The following MACROD2 variants were observed in gnomAD, a reference collection of about 807,000 sequenced individuals.
MACROD2 encodes the protein mono-ADP ribosylhydrolase 2, also known as ADP-ribose glycohydrolase MACROD2.
In MACROD2, 36 loss-of-function variants were observed where a neutral mutation model predicts 70.4. That is an observed-to-expected ratio of 0.51 (90% CI 0.39 to 0.68). The LOEUF (loss-of-function observed/expected upper bound fraction) is 0.68. Among genes scored for constraint, MACROD2 ranks in the 30% least tolerant of loss-of-function variants. The pLI is 0.00. For synonymous variants in MACROD2, 172 were observed against 178.8 expected, an observed-to-expected ratio of 0.96 and a Z score of 0.30; for missense variants, 496 against 538.4, an observed-to-expected ratio of 0.92 and a Z score of 0.78.
chr20:15,095,991 T>C (rs2075828666), intron 5 of MACROD2, among the ~76,000 whole-genome samples: 1 of 152,122 alleles, frequency 6.6e-6, no homozygotes, highest in African/African-American at 2.4e-5. Flanking sequence ...CTAATATCAC[T>C]AAAATCCTCA....
intron 8 of MACROD2, among the ~76,000 whole-genome samples, chr20:15,687,831 A>G (rs984626445): frequency 5.9e-5 from 9 of 152,144 alleles, no homozygotes; most frequent in Non-Finnish European, 1.3e-4. Context: ...GGACTATACT[A>G]AACTCCTGAG....
intron 3 of MACROD2, among the ~76,000 whole-genome samples, chr20:14,283,804 A>G (rs984411363): frequency 6.6e-6 from 1 of 152,140 alleles, no homozygotes; most frequent in Non-Finnish European, 1.5e-5. Context: ...CCAGCCATAC[A>G]AAAGAGAAGA....
intron 5 of MACROD2, among the ~76,000 whole-genome samples, chr20:15,110,210 C>A (rs1484348965): frequency 6.6e-6 from 1 of 151,930 alleles, no homozygotes; most frequent in African/African-American, 2.4e-5. Context: ...AAGGAGAGGC[C>A]AGAAAGAACT....
At chr20:15,667,300 C>A (rs555662951) in intron 8 of MACROD2, among the ~76,000 whole-genome samples, 2 of 152,144 alleles carry the variant, frequency 1.3e-5, no homozygotes, top group African/African-American at 4.8e-5. Context: ...CTTCACCTTC[C>A]GCTGTGAGTA....
At chr20:15,756,458 C>A (rs1051841497) in intron 8 of MACROD2, among the ~76,000 whole-genome samples, 2 of 151,996 alleles carry the variant, frequency 1.3e-5, no homozygotes, top group African/African-American at 4.8e-5. Context: ...TGATTTTTAA[C>A]CCCCTAAGCA....
chr20:15,284,304 T>C (rs1304349655), intron 6 of MACROD2, among the ~76,000 whole-genome samples: 1 of 152,198 alleles, frequency 6.6e-6, no homozygotes, highest in Non-Finnish European at 1.5e-5. Flanking sequence ...ATTTAGGGAT[T>C]AAATATCTCG....
chr20:14,053,285 C>CTT (rs2053593088), intron 2 of MACROD2: 1 of 152,004 alleles, frequency 6.6e-6, no homozygotes, highest in South Asian at 2.1e-4. Context: ...ATATGTAACT[C>CTT]TAAGAGACCT....
At chr20:14,786,378 C>A (rs1435284041) in intron 5 of MACROD2, among the ~76,000 whole-genome samples, 1 of 152,066 alleles carries the variant, frequency 6.6e-6, no homozygotes, top group Non-Finnish European at 1.5e-5. Flanking sequence ...CCTTTGTTAA[C>A]ATGACTTGGT....
At chr20:15,458,639 T>TTA (rs2046765423) in intron 7 of MACROD2, among the ~76,000 whole-genome samples, 3 of 116,970 alleles carry the variant, frequency 2.6e-5, no homozygotes, top group Non-Finnish European at 3.7e-5. Flanking sequence ...TTTTTTTTTT[T>TTA]AAAAAAAAAA....
At chr20:15,312,604 C>A (rs1023039822) in intron 6 of MACROD2, among the ~76,000 whole-genome samples, 1 of 152,012 alleles carries the variant, frequency 6.6e-6, no homozygotes, top group African/African-American at 2.4e-5. Flanking sequence ...CTTCTGTTTA[C>A]ATAAATTAAA....
intron 8 of MACROD2, among the ~76,000 whole-genome samples, chr20:15,698,926 T>G (rs113642376): frequency 0.077 from 11,770 of 152,204 alleles, 1,565 homozygotes; most frequent in African/African-American, 0.27. Flanking sequence ...CTTCCTGAAT[T>G]TTTTATTGCT....
intron 3 of MACROD2, among the ~76,000 whole-genome samples, chr20:14,249,532 G>T (rs532340083): frequency 1.3e-5 from 2 of 152,056 alleles, no homozygotes; most frequent in South Asian, 2.1e-4. Context: ...GGGACCACAG[G>T]GGGTCACAGA....
intron 5 of MACROD2, among the ~76,000 whole-genome samples, chr20:14,807,074 A>C (rs1023294423): frequency 1.3e-5 from 2 of 152,134 alleles, no homozygotes; most frequent in African/African-American, 4.8e-5. Context: ...ATCTCCCAGC[A>C]CAGTGCTGGA....
At chr20:15,777,740 G>A (rs907539950) in intron 8 of MACROD2, among the ~76,000 whole-genome samples, 14 of 151,942 alleles carry the variant, frequency 9.2e-5, no homozygotes, top group Admixed American at 6.5e-4. Flanking sequence ...TGCCTCCCAG[G>A]TTCAAGCAAT....
At chr20:14,136,870 C>G (rs1384385802) in intron 3 of MACROD2, among the ~76,000 whole-genome samples, 1 of 152,212 alleles carries the variant, frequency 6.6e-6, no homozygotes, top group Non-Finnish European at 1.5e-5. Flanking sequence ...GGACCCAACT[C>G]AAATTCCATC....
chr20:15,565,733 A>C (rs2048301449), intron 8 of MACROD2, among the ~76,000 whole-genome samples: 1 of 152,172 alleles, frequency 6.6e-6, no homozygotes, highest in South Asian at 2.1e-4. Flanking sequence ...CTCCTGCCTC[A>C]GCCTCCCACG....
chr20:14,153,726 T>C (rs1410598014), intron 3 of MACROD2, among the ~76,000 whole-genome samples: 1 of 152,164 alleles, frequency 6.6e-6, no homozygotes, highest in Non-Finnish European at 1.5e-5. Context: ...AATAATCATA[T>C]TAAGTTGAGA....
chr20:15,481,573 A>G (rs1340690912), intron 7 of MACROD2, among the ~76,000 whole-genome samples: 1 of 152,040 alleles, frequency 6.6e-6, no homozygotes, highest in Non-Finnish European at 1.5e-5. Context: ...CGCAGTGTTA[A>G]CTAAAAGAAC....
chr20:14,681,122 T>G (rs543001779), intron 4 of MACROD2, among the ~76,000 whole-genome samples: 1 of 152,304 alleles, frequency 6.6e-6, no homozygotes, highest in East Asian at 1.9e-4. Flanking sequence ...TTAAAAAGGC[T>G]GACGACAACA....
Sources: allele counts gnomAD v4.1 joint callset (sites outside exome capture counted in the v4.1 genomes callset), GRCh38; gene constraint gnomAD v4.1.1; transcripts MANE v1.5; gene names NCBI Gene and HGNC (gene_info 2026-07-23, HGNC 2026-07-21).